TMEM117: variants seen among roughly 807,000 people sequenced by gnomAD.
TMEM117 encodes transmembrane protein 117.
Under a neutral mutation model 52.4 loss-of-function variants are expected in TMEM117, and 27 were observed. That is an observed-to-expected ratio of 0.51 (90% confidence interval 0.38 to 0.71). The LOEUF is 0.71. TMEM117 is among the 30% of genes least tolerant of loss of function. The pLI is 0.00. For synonymous variants in TMEM117, 215 were observed against 206.3 expected, an observed-to-expected ratio of 1.04 and a Z score of -0.36; for missense variants, 556 against 630.5, an observed-to-expected ratio of 0.88 and a Z score of 1.26.
chr12:44,193,748 T>A (rs2138349512), intron 4 of TMEM117, among the ~76,000 whole-genome samples: 1 of 152,346 alleles, frequency 6.6e-6, no homozygotes, highest in Non-Finnish European at 1.5e-5. Flanking sequence ...TCTCACTACC[T>A]GTAGGCTTAA....
the TMEM117 span, chr12:43,806,318 G>A: frequency 1.5e-6 from 2 of 1,363,396 alleles, no homozygotes; most frequent in South Asian, 1.8e-5. Flanking sequence ...CCAGGAAGTG[G>A]CTGCTCCTCC....
intron 3 of TMEM117, chr12:44,010,375 C>T (rs1276743590): frequency 5.4e-6 from 2 of 368,160 alleles, no homozygotes; most frequent in Non-Finnish European, 1.1e-5. Context: ...TCCTGCGCCA[C>T]ATGGGGAAGC....
In TMEM117 at chr12:44,018,835, T is replaced by C. The variant is rs148089660; in HGVS notation, c.410+74493T>C. Among the ~76,000 whole-genome samples the C allele has an allele frequency of 3.9e-3, 597 of 152,006 alleles. 3 individuals are homozygous for C. Among genetic ancestry groups the C allele is most frequent in the East Asian group, 0.031 (162 of 5,156 alleles). ...CCCAGGTTAAAGCAATTCTCCTGCC[T>C]CAGCCTCCCGAGTAGCTGGAATTAC... On this transcript the variant is annotated intron_variant, in intron 3 of 7. Transcript: ENST00000266534.
intron 3 of TMEM117, among the ~76,000 whole-genome samples, chr12:43,978,569 G>A (rs1945710647): frequency 6.6e-6 from 1 of 152,130 alleles, no homozygotes; most frequent in Non-Finnish European, 1.5e-5. Context: ...GTATGGGGGA[G>A]TGAACTACTT....
chr12:44,227,733 G>C (rs1330949884), intron 5 of TMEM117, among the ~76,000 whole-genome samples: 3 of 152,052 alleles, frequency 2.0e-5, no homozygotes, highest in African/African-American at 4.8e-5. Context: ...GCCTTCCCAG[G>C]CTCCTCCAAT....
chr12:43,836,536 G>A (rs1339320648), intron 1 of TMEM117, among the ~76,000 whole-genome samples: 1 of 152,128 alleles, frequency 6.6e-6, no homozygotes, highest in African/African-American at 2.4e-5. Context: ...TACGGCGGGA[G>A]AGCAGACCTT....
chr12:44,087,819 C>T (rs1342511885), intron 3 of TMEM117, among the ~76,000 whole-genome samples: 5 of 152,148 alleles, frequency 3.3e-5, no homozygotes, highest in Non-Finnish European at 7.4e-5. Flanking sequence ...AAATGTTTTT[C>T]TCTGCCTCTC....
chr12:43,950,658 G>C (rs11829716), intron 3 of TMEM117, among the ~76,000 whole-genome samples: 48,388 of 152,100 alleles, frequency 0.32, 8,982 homozygotes, highest in Non-Finnish European at 0.43. Context: ...CTGGTGATCA[G>C]CAGCTTCCCG....
At chr12:43,806,089 G>T in the TMEM117 span, 1 of 1,519,156 alleles carries the variant, frequency 6.6e-7, no homozygotes, top group Non-Finnish European at 8.8e-7. Flanking sequence ...AGGCGCCGAG[G>T]CCCGGCTCGC....
downstream of TMEM117, among the ~76,000 whole-genome samples, chr12:44,393,476 G>A (rs139802752): frequency 1.6e-4 from 23 of 144,062 alleles, no homozygotes; most frequent in African/African-American, 6.2e-4. Context: ...GGTAAGTAGG[G>A]TTAATTTCAC....
chr12:44,344,233 C>T (rs149492471), intron 6 of TMEM117, among the ~76,000 whole-genome samples: 155 of 152,160 alleles, frequency 1.0e-3, no homozygotes, highest in African/African-American at 3.5e-3. Context: ...ATAATAGAGT[C>T]ATCATATGTT....
intron 3 of TMEM117, among the ~76,000 whole-genome samples, chr12:44,135,578 T>C (rs1948478433): frequency 6.6e-6 from 1 of 151,718 alleles, no homozygotes; most frequent in Non-Finnish European, 1.5e-5. Context: ...GTTGAGTAGC[T>C]ACAGGGAAGA....
chr12:44,218,778 G>A (rs17094292), intron 5 of TMEM117, among the ~76,000 whole-genome samples: 16,131 of 152,082 alleles, frequency 0.11, 942 homozygotes, highest in Middle Eastern at 0.2. Flanking sequence ...TCTATTCTAG[G>A]GCAACTATCA....
At chr12:43,979,457 T>C (rs924776174) in intron 3 of TMEM117, among the ~76,000 whole-genome samples, 1 of 152,156 alleles carries the variant, frequency 6.6e-6, no homozygotes, top group African/African-American at 2.4e-5. Flanking sequence ...TAGCATTCCT[T>C]GAGGAAGTAC....
rs186179219 is a variant in TMEM117 at position 43,845,691 on chromosome 12, C to G, written c.277+763C>G. Among the ~76,000 whole-genome samples, 11 of 151,612 alleles carry G rather than the reference C, an allele frequency of 7.3e-5. No homozygotes were observed. The East Asian group carries it at 9.7e-4, about 13-fold the overall frequency. ...ATTTCTCCTAATGCTATCCCTCCCCCCTCCCCCAACCCCATGACAGGGCCT... is the reference window on the plus strand; with the variant it reads ...ATTTCTCCTAATGCTATCCCTCCCCGCTCCCCCAACCCCATGACAGGGCCT... On this transcript the variant is annotated intron_variant, in intron 2 of 7. Coordinates refer to ENST00000266534, the MANE Select transcript of TMEM117 (RefSeq NM_032256.3).
At chr12:43,977,314 G>A (rs1945687646) in intron 3 of TMEM117, among the ~76,000 whole-genome samples, 1 of 152,104 alleles carries the variant, frequency 6.6e-6, no homozygotes, top group South Asian at 2.1e-4. Flanking sequence ...ATCCAGGGCT[G>A]CGGGTTCTGC....
chr12:43,887,080 C>T (rs1457799910), intron 2 of TMEM117, among the ~76,000 whole-genome samples: 1 of 152,132 alleles, frequency 6.6e-6, no homozygotes, highest in East Asian at 1.9e-4. Flanking sequence ...AGCTCCTGAC[C>T]TCAAGTGACC....
At chr12:43,883,858 C>G (rs745321418) in intron 2 of TMEM117, among the ~76,000 whole-genome samples, 7 of 151,880 alleles carry the variant, frequency 4.6e-5, no homozygotes, top group Non-Finnish European at 1.0e-4. Context: ...GGCCTGTAGC[C>G]AGGCATAGTG....
intron 2 of TMEM117, among the ~76,000 whole-genome samples, chr12:43,885,527 GA>G (rs1251545615): frequency 2.0e-5 from 3 of 150,542 alleles, no homozygotes. Context: ...AGCCAAGAGG[GA>G]AAAAAAGAAC....
Sources: gnomAD v4.1 joint callset for allele counts (sites outside exome capture counted in the v4.1 genomes callset) on GRCh38, gnomAD v4.1.1 for gene constraint, MANE v1.5 for transcripts, NCBI Gene and HGNC (gene_info 2026-07-23, HGNC 2026-07-21) for gene names.